The following ZMYM1 variants were observed in gnomAD, a reference collection of about 807,000 sequenced individuals.
ZMYM1 encodes zinc finger MYM-type protein 1.
In ZMYM1, 39 loss-of-function variants were observed where a neutral mutation model predicts 60.0. The ratio of observed to expected loss-of-function variants is 0.65; its 90% CI spans 0.50 to 0.85. The LOEUF is 0.85. Among genes scored for constraint, ZMYM1 ranks in the 40% least tolerant of loss-of-function variants. The pLI is 0.00. For missense variants in ZMYM1, 1,171 were observed against 1,309.5 expected, an observed-to-expected ratio of 0.89 and a Z score of 1.63; for synonymous variants, 413 against 454.0, an observed-to-expected ratio of 0.91 and a Z score of 1.15.
chr1:35,095,963 C>A, intron 3 of ZMYM1, 72 bp downstream of exon 3: 1 of 1,136,090 alleles, frequency 8.8e-7, no homozygotes, highest in Non-Finnish European at 1.3e-6. Flanking sequence ...TTTTTAATGC[C>A]TTTGAATATT....
At chr1:35,106,482 G>A (rs898842014) in intron 6 of ZMYM1, among the ~76,000 whole-genome samples, 5 of 152,074 alleles carry the variant, frequency 3.3e-5, no homozygotes, top group Admixed American at 2.6e-4. Context: ...GGTGGCAGGC[G>A]CCTATAATCC....
intron 1 of ZMYM1, among the ~76,000 whole-genome samples, chr1:35,088,150 T>G (rs1569896103): frequency 6.6e-6 from 1 of 152,012 alleles, no homozygotes; most frequent in Admixed American, 6.6e-5. Flanking sequence ...CTGGGCGCGG[T>G]GGCTCACACC....
At chr1:35,095,935 C>T (rs371087216) in intron 3 of ZMYM1, 44 bp downstream of exon 3, 17 of 1,369,338 alleles carry the variant, frequency 1.2e-5, no homozygotes, top group Admixed American at 5.6e-5. Context: ...CAGACCAATA[C>T]GACAGCTGAT....
intron 1 of ZMYM1, among the ~76,000 whole-genome samples, chr1:35,091,531 G>A (rs919692443): frequency 6.6e-6 from 1 of 151,954 alleles, no homozygotes; most frequent in Non-Finnish European, 1.5e-5. Context: ...TATTTAATAG[G>A]CAATTAGGTA....
At chr1:35,089,702 G>A (rs868355937) in intron 1 of ZMYM1, among the ~76,000 whole-genome samples, 1 of 126,668 alleles carries the variant, frequency 7.9e-6, no homozygotes, top group African/African-American at 2.9e-5. Flanking sequence ...ATTTGTGTTA[G>A]TTATCATCTG....
chr1:35,094,855 C>CAA (rs949668047), intron 2 of ZMYM1, among the ~76,000 whole-genome samples: 1 of 149,854 alleles, frequency 6.7e-6, no homozygotes, highest in African/African-American at 2.5e-5. Context: ...TCTCTTAAAA[C>CAA]AAAAAAAAGG....
chr1:35,087,356 T>C (rs1292519699), intron 1 of ZMYM1, among the ~76,000 whole-genome samples: 2 of 152,054 alleles, frequency 1.3e-5, no homozygotes, highest in Admixed American at 6.6e-5. Flanking sequence ...GTACTAATTT[T>C]CCAGGAGGAA....
chr1:35,116,620 G>A (rs1644251309), downstream of ZMYM1, among the ~76,000 whole-genome samples: 1 of 152,016 alleles, frequency 6.6e-6, no homozygotes, highest in South Asian at 2.1e-4. Context: ...ACCACGCCTG[G>A]CTAATTTTTG....
rs772479298 is a variant in ZMYM1, at chr1:35,113,209, G to A, written c.1379G>A (p.Cys460Tyr). 1 of 1,613,378 alleles carries A rather than the reference G, an allele frequency of 6.2e-7. No individual in the cohort carries two copies. The highest frequency in any genetic ancestry group is 8.5e-7 in the Non-Finnish European group (1 of 1,179,468). ...AAATCACGAAGTATTAAAAAATCTT[G>A]TTGTGCAGATTTTGAGTGTTTGGAA... is the stretch of plus-strand genomic sequence containing the variant. ...KGKSRSIKKSCCADFECLENS... is the reference protein window; with the variant it reads ...KGKSRSIKKSYCADFECLENS... The change falls in exon 10 of 10, where the codon TGT becomes TAT. Residue 460 changes from cysteine to tyrosine, a missense_variant. Physicochemically the swap from Cys to Tyr is radical, Grantham distance 194. Transcript: ENST00000359858.
chr1:35,061,306 A>T (rs907220236), intron 1 of ZMYM1, among the ~76,000 whole-genome samples: 14 of 152,258 alleles, frequency 9.2e-5, no homozygotes, highest in African/African-American at 3.4e-4. Context: ...AAAGAAGGAC[A>T]CATACTACTA....
chr1:35,096,128 CAT>C (rs1342870608), intron 3 of ZMYM1, among the ~76,000 whole-genome samples: 2 of 152,008 alleles, frequency 1.3e-5, no homozygotes, highest in East Asian at 3.9e-4. Flanking sequence ...GTTTGGCCAA[CAT>C]AGTGAAACCC....
chr1:35,067,013 CTG>C (rs1381328725), intron 1 of ZMYM1, among the ~76,000 whole-genome samples: 1 of 152,192 alleles, frequency 6.6e-6, no homozygotes, highest in Non-Finnish European at 1.5e-5. Flanking sequence ...GGGGCTCACT[CTG>C]TCACCCATGC....
intron 7 of ZMYM1, among the ~76,000 whole-genome samples, chr1:35,111,331 T>C (rs571042886): frequency 7.2e-5 from 11 of 152,190 alleles, no homozygotes; most frequent in African/African-American, 2.7e-4. Context: ...TCATACAAAC[T>C]GGCTTGTTAC....
At chr1:35,095,501 G>GAAAAAAAAAAAAAAAAAAAAAAAAAA (rs60070624) in intron 2 of ZMYM1, among the ~76,000 whole-genome samples, 1 of 107,922 alleles carries the variant, frequency 9.3e-6, no homozygotes. Context: ...AAAAAAAAAA[G>GAAAAAAAAAAAAAAAAAAAAAAAAAA]AAAAAAAAAA....
At chr1:35,112,250 T>C in intron 9 of ZMYM1, 120 bp downstream of exon 9, 1 of 950,096 alleles carries the variant, frequency 1.1e-6, no homozygotes, top group South Asian at 1.5e-5. Flanking sequence ...TGATCTCAGC[T>C]CACTGCAACC....
At chr1:35,074,815 G>C (rs1033586242), upstream of ZMYM1, among the ~76,000 whole-genome samples, 10 of 151,096 alleles carry the variant, frequency 6.6e-5, no homozygotes, top group African/African-American at 1.9e-4. Context: ...AGTAATATTA[G>C]TTTTATATAT....
At chr1:35,062,429 T>C (rs1641892975) in intron 1 of ZMYM1, among the ~76,000 whole-genome samples, 1 of 152,252 alleles carries the variant, frequency 6.6e-6, no homozygotes, top group Non-Finnish European at 1.5e-5. Context: ...AAGGTGATAC[T>C]ATCTTTTATT....
intron 1 of ZMYM1, among the ~76,000 whole-genome samples, chr1:35,073,714 G>A (rs1642115644): frequency 6.6e-6 from 1 of 151,676 alleles, no homozygotes; most frequent in Non-Finnish European, 1.5e-5. Flanking sequence ...AGGAAGGAAG[G>A]AAGGAAAATC....
At chr1:35,061,542 C>T (rs745890747) in intron 1 of ZMYM1, among the ~76,000 whole-genome samples, 5 of 151,822 alleles carry the variant, frequency 3.3e-5, no homozygotes, top group Admixed American at 6.6e-5. Context: ...TTTGGAAGGC[C>T]GAGGCAGGCA....
Sources: allele counts gnomAD v4.1 joint callset (sites outside exome capture counted in the v4.1 genomes callset), GRCh38; gene constraint gnomAD v4.1.1; transcripts MANE v1.5; gene names NCBI Gene and HGNC (gene_info 2026-07-23, HGNC 2026-07-21).